The following DAP variants were observed in gnomAD, a reference collection of about 807,000 sequenced individuals.
DAP encodes death-associated protein 1.
DAP carries 8 observed loss-of-function variants against 13.8 expected under a neutral mutation model. The ratio of observed to expected loss-of-function variants is 0.58; its 90% confidence interval spans 0.34 to 1.05. The LOEUF (loss-of-function observed/expected upper bound fraction) is 1.05. DAP is among the 50% of genes least tolerant of loss of function. DAP has a pLI of 0.03. For missense variants in DAP, 106 were observed against 133.2 expected, an observed-to-expected ratio of 0.80 and a Z score of 1.01; for synonymous variants, 47 against 47.5, an observed-to-expected ratio of 0.99 and a Z score of 0.04.
rs547615145 is a variant in DAP, at chr5:10,730,687, C to G, written c.152+17488G>C. Among the ~76,000 whole-genome samples the G allele has an allele frequency of 1.1e-4, 12 of 114,108 alleles. No individual in the cohort carries two copies. The East Asian group carries it at 3.3e-3, about 31-fold the overall frequency. 74.9% of individuals were successfully genotyped at this position (114,108 alleles called of 152,430 possible). ...ACTGAGAGCCCTGGTGGGGGGGAATCTTTCTCTATTGAGAGCCCTAGTGAG... is the reference window on the plus strand; with the variant it reads ...ACTGAGAGCCCTGGTGGGGGGGAATGTTTCTCTATTGAGAGCCCTAGTGAG... On this transcript the variant is annotated intron_variant, in intron 2 of 3. Coordinates refer to ENST00000230895, the MANE Select transcript of DAP (RefSeq NM_004394.3).
chr5:10,711,969 C>A (rs1738864689), intron 2 of DAP, among the ~76,000 whole-genome samples: 1 of 152,178 alleles, frequency 6.6e-6, no homozygotes, highest in Non-Finnish European at 1.5e-5. Context: ...AATTTCACCC[C>A]CGTCCTTCCC....
At chr5:10,714,403 C>T (rs563729154) in intron 2 of DAP, among the ~76,000 whole-genome samples, 3 of 152,310 alleles carry the variant, frequency 2.0e-5, no homozygotes, top group African/African-American at 7.2e-5. Context: ...ACATTCATCA[C>T]TACTCTAAAG....
At chr5:10,735,660 A>G (rs1739590632) in intron 2 of DAP, among the ~76,000 whole-genome samples, 1 of 152,208 alleles carries the variant, frequency 6.6e-6, no homozygotes, top group Admixed American at 6.5e-5. Flanking sequence ...GGGCCACACC[A>G]CTGTACACAG....
chr5:10,750,861 C>T (rs979535129), intron 1 of DAP, among the ~76,000 whole-genome samples: 4 of 152,182 alleles, frequency 2.6e-5, no homozygotes, highest in Admixed American at 6.5e-5. Context: ...AGACAGCAAC[C>T]CTCTGGGGAG....
chr5:10,744,464 T>C (rs1323044434), intron 2 of DAP, among the ~76,000 whole-genome samples: 1 of 152,220 alleles, frequency 6.6e-6, no homozygotes, highest in Non-Finnish European at 1.5e-5. Context: ...TTAGACCACC[T>C]ACTGACGGTG....
At chr5:10,710,405 C>T (rs1339206800) in intron 2 of DAP, among the ~76,000 whole-genome samples, 1 of 152,246 alleles carries the variant, frequency 6.6e-6, no homozygotes, top group Non-Finnish European at 1.5e-5. Context: ...TCTCTGTGTT[C>T]ACCCCACTGC....
chr5:10,744,237 G>A (rs1739842149), intron 2 of DAP, among the ~76,000 whole-genome samples: 1 of 152,126 alleles, frequency 6.6e-6, no homozygotes, highest in East Asian at 1.9e-4. Flanking sequence ...ACTGGCATTT[G>A]GTGTTAGGTA....
At chr5:10,695,975 A>C (rs1738429618) in intron 2 of DAP, among the ~76,000 whole-genome samples, 1 of 152,128 alleles carries the variant, frequency 6.6e-6, no homozygotes, top group East Asian at 1.9e-4. Flanking sequence ...GTAGTGTGAA[A>C]GCCACAGACT....
rs368918942 is a variant in DAP, at chr5:10,680,596, C to T, written c.*460G>A. ...CTCTAAGGTCCTTTATGAGGGGCCG[C>T]CCAAACTCATTCCCTTAGTTCTTAC... On this transcript the variant is annotated 3_prime_UTR_variant, in exon 4 of 4. Coordinates refer to ENST00000230895, the MANE Select transcript of DAP (RefSeq NM_004394.3). The T allele has an allele frequency of 2.3e-6, 2 of 869,376 alleles. No individual in the cohort carries two copies. The allele number at this position is 869,376 out of a possible 1,614,324, so 53.9% of individuals were successfully genotyped here.
chr5:10,725,810 T>C (rs891188499), intron 2 of DAP, among the ~76,000 whole-genome samples: 1 of 152,238 alleles, frequency 6.6e-6, no homozygotes, highest in Admixed American at 6.5e-5. Flanking sequence ...CACATCTTAT[T>C]TGTCAGTTAC....
chr5:10,685,320 C>T (rs927379294), intron 2 of DAP, among the ~76,000 whole-genome samples: 158 of 151,382 alleles, frequency 1.0e-3, no homozygotes, highest in East Asian at 3.9e-4. Context: ...GATTAATAGT[C>T]GGCCAGAAAT....
intron 1 of DAP, among the ~76,000 whole-genome samples, chr5:10,758,919 C>G (rs938892433): frequency 6.6e-6 from 1 of 152,150 alleles, no homozygotes; most frequent in Non-Finnish European, 1.5e-5. Context: ...TACCTCTGAC[C>G]TTAAAAATCT....
chr5:10,688,355 T>A (rs1738208534), intron 2 of DAP, among the ~76,000 whole-genome samples: 1 of 152,308 alleles, frequency 6.6e-6, no homozygotes, highest in Middle Eastern at 3.4e-3. Context: ...CAGATGATCA[T>A]TAGCATACAG....
rs1398477075 is a variant in DAP at position 10,707,283 on chromosome 5, C to G, written c.153-23712G>C. Among the ~76,000 whole-genome samples, 1 of 152,206 alleles carries G rather than the reference C, an allele frequency of 6.6e-6. No individual in the cohort carries two copies. The highest frequency in any genetic ancestry group is 6.5e-5 in the Admixed American group (1 of 15,286). ...TATCTGAAAGGTGTAGCTTAGTCAG[C>G]TGAGCAAGTGTTGAGAGGCAGACAT... On this transcript the variant is annotated intron_variant, in intron 2 of 3. Coordinates refer to ENST00000230895, the MANE Select transcript of DAP (RefSeq NM_004394.3). This position sits in a 1 kb window ranked among gnomAD's most constrained non-coding sequence, Gnocchi z 4.0.
chr5:10,760,954 C>T (rs2111411491), intron 1 of DAP, 60 bp downstream of exon 1: 1 of 1,112,584 alleles, frequency 9.0e-7, no homozygotes, highest in Non-Finnish European at 1.1e-6. Context: ...CGCCCGGCGC[C>T]CCCGGGTTCG....
At chr5:10,740,247 A>G (rs1261934719) in intron 2 of DAP, among the ~76,000 whole-genome samples, 1 of 152,226 alleles carries the variant, frequency 6.6e-6, no homozygotes, top group African/African-American at 2.4e-5. Context: ...GAAATAGGAG[A>G]GGAAAAAAGA....
chr5:10,758,168 G>A (rs1740240368), intron 1 of DAP, among the ~76,000 whole-genome samples: 1 of 150,636 alleles, frequency 6.6e-6, no homozygotes, highest in Non-Finnish European at 1.5e-5. Context: ...TGTGCTCTTG[G>A]CTATCCTTGA....
Position 10,684,337 on chromosome 5 carries a change from C to T in DAP, c.153-766G>A, listed in dbSNP as rs539822826. On this transcript the variant is annotated intron_variant, in intron 2 of 3. Coordinates refer to ENST00000230895, the MANE Select transcript of DAP (RefSeq NM_004394.3). ...GATTCTAGAGCCAACACAAACCTCCCGTCCCCATCAATCCCTGAGCATTAC... is the reference window on the plus strand; with the variant it reads ...GATTCTAGAGCCAACACAAACCTCCTGTCCCCATCAATCCCTGAGCATTAC... Among the ~76,000 whole-genome samples the T allele has an allele frequency of 6.6e-5, 10 of 152,282 alleles. No individual in the cohort carries two copies. The East Asian group carries it at 7.7e-4, about 12-fold the overall frequency.
At chr5:10,743,094 T>C (rs970873454) in intron 2 of DAP, among the ~76,000 whole-genome samples, 1 of 152,206 alleles carries the variant, frequency 6.6e-6, no homozygotes, top group Non-Finnish European at 1.5e-5. Flanking sequence ...TGTTGAATCC[T>C]AGTATTCACA....
Sources: allele counts gnomAD v4.1 joint callset (sites outside exome capture counted in the v4.1 genomes callset), GRCh38; gene constraint gnomAD v4.1.1; non-coding constraint Gnocchi (gnomAD v3.1); transcripts MANE v1.5; gene names NCBI Gene and HGNC (gene_info 2026-07-23, HGNC 2026-07-21).